The following BMPR1B variants were observed in gnomAD, a reference collection of about 807,000 sequenced individuals.
The protein encoded by BMPR1B is bone morphogenetic protein receptor type 1B.
Under a neutral mutation model 59.1 loss-of-function variants are expected in BMPR1B, and 12 were observed. The ratio of observed to expected loss-of-function variants is 0.20; its 90% CI spans 0.13 to 0.33. The LOEUF (loss-of-function observed/expected upper bound fraction) is 0.33, where lower values mean the gene tolerates loss of function less well. Ranked by LOEUF, BMPR1B falls within the 10% of genes least tolerant of loss-of-function variation. The pLI, the probability that BMPR1B is intolerant of heterozygous loss-of-function variation, is 1.00. For missense variants in BMPR1B, 550 were observed against 610.9 expected, an observed-to-expected ratio of 0.90 and a Z score of 1.05; for synonymous variants, 237 against 207.3, an observed-to-expected ratio of 1.14 and a Z score of -1.23.
intron 1 of BMPR1B, among the ~76,000 whole-genome samples, chr4:94,790,747 C>T (rs1416811256): frequency 6.6e-6 from 1 of 152,080 alleles, no homozygotes; most frequent in Admixed American, 6.6e-5. Context: ...TTTTTTAGAG[C>T]AGTTTTAGGT....
chr4:94,770,132 G>A (rs746135863), intron 1 of BMPR1B, among the ~76,000 whole-genome samples: 39 of 138,468 alleles, frequency 2.8e-4, no homozygotes, highest in African/African-American at 6.7e-4. Flanking sequence ...CCATCCTGTC[G>A]TTCACCTGAT....
chr4:95,080,099 A>C (rs936257747), intron 3 of BMPR1B, among the ~76,000 whole-genome samples: 6 of 152,174 alleles, frequency 3.9e-5, no homozygotes, highest in Admixed American at 3.3e-4. Flanking sequence ...TTAGATCTCA[A>C]GAGGTTCAAA....
intron 10 of BMPR1B, among the ~76,000 whole-genome samples, chr4:95,134,767 T>C (rs1733643508): frequency 6.6e-6 from 1 of 152,210 alleles, no homozygotes; most frequent in Non-Finnish European, 1.5e-5. Context: ...GATTAGCCCT[T>C]TGTCAGATGA....
At chr4:95,143,257 C>T (rs1250154919) in intron 10 of BMPR1B, among the ~76,000 whole-genome samples, 2 of 152,186 alleles carry the variant, frequency 1.3e-5, no homozygotes, top group Non-Finnish European at 2.9e-5. Flanking sequence ...AGTACACTGT[C>T]GATAATAAAA....
At chr4:94,996,818 A>G (rs1251001567) in intron 3 of BMPR1B, among the ~76,000 whole-genome samples, 1 of 152,124 alleles carries the variant, frequency 6.6e-6, no homozygotes, top group African/African-American at 2.4e-5. Context: ...TAAAATTAAC[A>G]TCTCCTCCTA....
intron 3 of BMPR1B, among the ~76,000 whole-genome samples, chr4:95,072,626 A>G (rs1338681015): frequency 1.3e-5 from 2 of 152,190 alleles, no homozygotes; most frequent in Non-Finnish European, 2.9e-5. Flanking sequence ...AACTAACTAT[A>G]TGGGATTAAA....
At chr4:94,828,204 C>T (rs1724451909) in intron 1 of BMPR1B, among the ~76,000 whole-genome samples, 1 of 152,092 alleles carries the variant, frequency 6.6e-6, no homozygotes, top group Admixed American at 6.6e-5. Flanking sequence ...ATAACTAAAA[C>T]ATTGTGTGAT....
chr4:95,059,524 T>G lies in BMPR1B; in HGVS notation c.-17-44884T>G, dbSNP rs1161360070. 3.9e-5 allele frequency among the ~76,000 whole-genome samples: 6 copies of G among 152,208 alleles called. No individual in the cohort carries two copies. The Middle Eastern group carries it at 0.014, about 345-fold the overall frequency. On this transcript the variant is annotated intron_variant, in intron 3 of 12. Transcript: ENST00000515059. ...CAATGGGGGAATTTCTGGGGGATCG[T>G]TTTTGGGCTGATTTTATGCATATAT...
intron 3 of BMPR1B, chr4:95,103,463 A>G (rs1353636068): frequency 1.0e-6 from 1 of 985,258 alleles, no homozygotes; most frequent in Non-Finnish European, 1.2e-6. Flanking sequence ...GTGACAATTT[A>G]TGCAGTTACA....
At chr4:94,859,013 A>G (rs1725875894) in intron 1 of BMPR1B, among the ~76,000 whole-genome samples, 1 of 152,210 alleles carries the variant, frequency 6.6e-6, no homozygotes, top group Non-Finnish European at 1.5e-5. Flanking sequence ...AAGCATGTCA[A>G]CATAATTTAT....
chr4:94,905,060 T>A (rs1181538715), intron 2 of BMPR1B, among the ~76,000 whole-genome samples: 3 of 152,082 alleles, frequency 2.0e-5, no homozygotes, highest in Non-Finnish European at 4.4e-5. Context: ...TGAAAATAGA[T>A]GTCTTCATTT....
At chr4:95,139,040 G>C (rs1734017887) in intron 10 of BMPR1B, among the ~76,000 whole-genome samples, 1 of 152,118 alleles carries the variant, frequency 6.6e-6, no homozygotes, top group South Asian at 2.1e-4. Flanking sequence ...CCCCATCTTT[G>C]TGGTTTTATC....
intron 2 of BMPR1B, among the ~76,000 whole-genome samples, chr4:94,930,012 T>C (rs913306091): frequency 1.3e-5 from 2 of 152,078 alleles, no homozygotes; most frequent in African/African-American, 4.8e-5. Context: ...TAAGGCTTGC[T>C]TGTTCTGTCT....
At chr4:94,808,134 G>T (rs1169623824) in intron 1 of BMPR1B, among the ~76,000 whole-genome samples, 1 of 152,034 alleles carries the variant, frequency 6.6e-6, no homozygotes, top group Non-Finnish European at 1.5e-5. Flanking sequence ...TACCAGATTT[G>T]TTCTGAATGC....
intron 3 of BMPR1B, among the ~76,000 whole-genome samples, chr4:95,069,529 A>G (rs1332314339): frequency 6.6e-6 from 1 of 152,158 alleles, no homozygotes; most frequent in Non-Finnish European, 1.5e-5. Flanking sequence ...TGACTTTTAC[A>G]TGGAGGAATT....
At chr4:94,858,153 T>C (rs1725842228) in intron 1 of BMPR1B, among the ~76,000 whole-genome samples, 2 of 151,946 alleles carry the variant, frequency 1.3e-5, no homozygotes, top group South Asian at 2.1e-4. Context: ...GGTTTCACCA[T>C]GTTAGCCAGG....
chr4:95,069,115 A>C (rs2149216863), intron 3 of BMPR1B, among the ~76,000 whole-genome samples: 1 of 152,304 alleles, frequency 6.6e-6, no homozygotes, highest in East Asian at 1.9e-4. Context: ...ATTTCTAAGA[A>C]TCTATCGACA....
chr4:94,982,722 G>A (rs915712258), intron 2 of BMPR1B, among the ~76,000 whole-genome samples: 6 of 152,280 alleles, frequency 3.9e-5, no homozygotes, highest in African/African-American at 1.4e-4. Flanking sequence ...GCCGGGTGCG[G>A]TGGCTCACGC....
chr4:94,952,038 T>TTA lies in BMPR1B; in HGVS notation c.-112-44001_-112-44000insAT, dbSNP rs543649305. ...CATTTCTTCCTGATGTTCTAGTTTA[T>TTA]TTGCATAGAGGTGTTTATATTATTC... On this transcript the variant is annotated intron_variant, in intron 2 of 12. Coordinates refer to ENST00000515059, the MANE Select transcript of BMPR1B (RefSeq NM_001203.3). 1.3e-4 allele frequency among the ~76,000 whole-genome samples: 20 copies of TTA among 152,310 alleles called. No homozygotes were observed. The South Asian group carries it at 3.9e-3, about 30-fold the overall frequency.
Sources: allele counts gnomAD v4.1 joint callset (sites outside exome capture counted in the v4.1 genomes callset), GRCh38; gene constraint gnomAD v4.1.1; transcripts MANE v1.5; gene names NCBI Gene and HGNC (gene_info 2026-07-23, HGNC 2026-07-21).